CYRIA: variants seen among roughly 807,000 people sequenced by gnomAD.
CYRIA encodes the protein CYFIP related Rac1 interactor A.
A neutral mutation model predicts 43.9 loss-of-function variants in CYRIA; 15 were observed. That is an observed-to-expected ratio of 0.34 (90% CI 0.23 to 0.53). CYRIA has a LOEUF of 0.53. Ranked by LOEUF, CYRIA falls within the 20% of genes least tolerant of loss-of-function variation. The pLI is 0.94. For synonymous variants in CYRIA, 117 were observed against 136.0 expected, an observed-to-expected ratio of 0.86 and a Z score of 0.97; for missense variants, 236 against 394.2, an observed-to-expected ratio of 0.60 and a Z score of 3.40.
intron 3 of CYRIA, 74 bp downstream of exon 3, chr2:16,587,974 TTA>T: frequency 1.1e-6 from 1 of 911,610 alleles, no homozygotes; most frequent in Non-Finnish European, 1.7e-6. Flanking sequence ...ATATAAATAT[TTA>T]TGTTATAACT....
chr2:16,553,027 A>G (rs114377299), intron 11 of CYRIA, 28 bp from the exon 12 acceptor site: 88,192 of 1,389,184 alleles, frequency 0.063, 3,048 homozygotes, highest in Middle Eastern at 0.084. Context: ...GGTAGAGGTT[A>G]GCGGCAAACA....
rs949109092 is a variant in CYRIA, at chr2:16,589,902, T to C, written c.-10-1773A>G. 1.2e-4 allele frequency among the ~76,000 whole-genome samples: 18 copies of C among 152,218 alleles called. No individual in the cohort carries two copies. The Middle Eastern group carries it at 0.01, about 86-fold the overall frequency. ...TTATCTGAATATTAAGTCACTTGCC[T>C]AGTGAAATAGTGAGTTTTCTCTCAT... is the stretch of plus-strand genomic sequence containing the variant. On this transcript the variant is annotated intron_variant, in intron 2 of 11. Transcript: ENST00000381323.
intron 1 of CYRIA, among the ~76,000 whole-genome samples, chr2:16,628,432 C>A (rs972875527): frequency 6.6e-6 from 1 of 152,212 alleles, no homozygotes; most frequent in Non-Finnish European, 1.5e-5. Context: ...GACTTACCCA[C>A]AACTGTGCAG....
At position 16,562,091 on chromosome 2, in the gene CYRIA, G is replaced by C; in HGVS notation, c.349C>G (p.Pro117Ala). Reference protein sequence around the residue: ...LESLTCPPYTPTQHLEREQAL... With the variant: ...LESLTCPPYTATQHLEREQAL... ...TGTTCCCTTTCCAGGTGTTGGGTTG[G>C]TGTGTAGGGTGGACAAGTCAGAGAT... is the stretch of plus-strand genomic sequence containing the variant. Residue 117 changes from proline (P) to alanine (A), a missense_variant, in exon 6 of 12, where the codon CCA (proline) becomes GCA (alanine). Physicochemically the swap from Pro to Ala is conservative, Grantham distance 27 (BLOSUM62 -1). This residue lies in a region of CYRIA where 193 missense variants were observed against 303.9 expected (regional missense o/e 0.64). Transcript: ENST00000381323. The C allele has an allele frequency of 6.2e-7, 1 of 1,613,496 alleles. No individual in the cohort carries two copies. Among genetic ancestry groups the C allele is most frequent in the Non-Finnish European group, 8.5e-7 (1 of 1,179,580 alleles).
At chr2:16,573,045 G>A (rs1667198244) in intron 3 of CYRIA, among the ~76,000 whole-genome samples, 1 of 152,078 alleles carries the variant, frequency 6.6e-6, no homozygotes, top group Non-Finnish European at 1.5e-5. Context: ...CAGGCCCCCT[G>A]ACACACTAAG....
intron 2 of CYRIA, among the ~76,000 whole-genome samples, chr2:16,608,224 G>C (rs187138599): frequency 6.6e-6 from 1 of 152,172 alleles, no homozygotes; most frequent in African/African-American, 2.4e-5. Context: ...ACTGAGCAGA[G>C]AAAACAGTCA....
At chr2:16,638,288 G>A (rs1030976026) in intron 1 of CYRIA, among the ~76,000 whole-genome samples, 7 of 152,168 alleles carry the variant, frequency 4.6e-5, no homozygotes, top group African/African-American at 9.7e-5. Flanking sequence ...CTAACAGCCC[G>A]TAAGCTTCCA....
At chr2:16,611,656 G>A (rs1405829147) in intron 2 of CYRIA, among the ~76,000 whole-genome samples, 1 of 152,116 alleles carries the variant, frequency 6.6e-6, no homozygotes, top group Non-Finnish European at 1.5e-5. Context: ...GTGGAGGAGA[G>A]GGAGAAACTC....
chr2:16,582,317 C>A (rs1379207046), intron 3 of CYRIA, among the ~76,000 whole-genome samples: 10 of 152,114 alleles, frequency 6.6e-5, no homozygotes, highest in Non-Finnish European at 1.5e-4. Flanking sequence ...CCAAAAGAAT[C>A]CTTTTTTAAA....
At chr2:16,615,069 A>G (rs1388351934) in intron 2 of CYRIA, among the ~76,000 whole-genome samples, 1 of 152,224 alleles carries the variant, frequency 6.6e-6, no homozygotes, top group Non-Finnish European at 1.5e-5. Flanking sequence ...TAACCATGAA[A>G]TACAAAATGG....
chr2:16,657,161 G>A (rs899177546), intron 1 of CYRIA, among the ~76,000 whole-genome samples: 5 of 152,212 alleles, frequency 3.3e-5, no homozygotes, highest in Non-Finnish European at 2.9e-5. Context: ...GGCCAAGGAA[G>A]AGAAGTGACA....
At chr2:16,563,864 CT>C in intron 5 of CYRIA, 124 bp downstream of exon 5, 1 of 627,680 alleles carries the variant, frequency 1.6e-6, no homozygotes, top group Non-Finnish European at 2.8e-6. Flanking sequence ...CATAAATGGC[CT>C]CTCATTTGAT....
intron 2 of CYRIA, among the ~76,000 whole-genome samples, chr2:16,604,130 C>A (rs1205125951): frequency 6.6e-6 from 1 of 152,194 alleles, no homozygotes; most frequent in East Asian, 1.9e-4. Context: ...TTAAGTCTGA[C>A]CTTCTAGCTA....
chr2:16,588,225 C>A, intron 2 of CYRIA, 96 bp from the exon 3 acceptor site: 1 of 710,094 alleles, frequency 1.4e-6, no homozygotes, highest in Non-Finnish European at 2.3e-6. Flanking sequence ...CCTTTGAAGA[C>A]CAGAAAGAGA....
At chr2:16,558,489 G>T (rs1312287913) in intron 10 of CYRIA, among the ~76,000 whole-genome samples, 3 of 152,126 alleles carry the variant, frequency 2.0e-5, no homozygotes, top group African/African-American at 7.2e-5. Context: ...CTATACTGGA[G>T]TAAGTAAGTT....
intron 2 of CYRIA, among the ~76,000 whole-genome samples, chr2:16,603,926 ATGT>A (rs1302537106): frequency 2.6e-5 from 4 of 152,228 alleles, no homozygotes; most frequent in African/African-American, 7.2e-5. Flanking sequence ...TTGGAAAATG[ATGT>A]TGTAATTATA....
chr2:16,609,011 CA>C (rs367628767), intron 2 of CYRIA, among the ~76,000 whole-genome samples: 3 of 150,424 alleles, frequency 2.0e-5, no homozygotes, highest in East Asian at 1.9e-4. Flanking sequence ...CCCCATTATC[CA>C]AAAAAAAACA....
intron 2 of CYRIA, among the ~76,000 whole-genome samples, chr2:16,598,411 C>T (rs1364326030): frequency 1.9e-4 from 15 of 80,402 alleles, no homozygotes; most frequent in Admixed American, 1.6e-3. Context: ...TCCCATATTT[C>T]TTGGAGGCTT....
intron 2 of CYRIA, among the ~76,000 whole-genome samples, chr2:16,612,531 C>G (rs1668641081): frequency 6.6e-6 from 1 of 152,112 alleles, no homozygotes; most frequent in Non-Finnish European, 1.5e-5. Context: ...GAAATATGTC[C>G]TCAATGATGC....
Sources: allele counts gnomAD v4.1 joint callset (sites outside exome capture counted in the v4.1 genomes callset), GRCh38; gene constraint gnomAD v4.1.1; regional missense constraint gnomAD v4.1.1; transcripts MANE v1.5; gene names NCBI Gene and HGNC (gene_info 2026-07-23, HGNC 2026-07-21).